The following RORA variants were observed in gnomAD, a reference collection of about 807,000 sequenced individuals.
The protein encoded by RORA is RAR related orphan receptor A.
Under a neutral mutation model 69.5 loss-of-function variants are expected in RORA, and 7 were observed. The observed-to-expected ratio is 0.10, with a 90% confidence interval of 0.06 to 0.19. The LOEUF (loss-of-function observed/expected upper bound fraction) is 0.19. RORA is among the 10% of genes least tolerant of loss of function. The pLI, the probability that RORA is intolerant of heterozygous loss-of-function variation, is 1.00. For synonymous variants in RORA, 261 were observed against 240.8 expected, an observed-to-expected ratio of 1.08 and a Z score of -0.78; for missense variants, 457 against 663.0, an observed-to-expected ratio of 0.69 and a Z score of 3.41.
At chr15:60,865,273 A>G (rs930936231) in intron 1 of RORA, among the ~76,000 whole-genome samples, 4 of 152,162 alleles carry the variant, frequency 2.6e-5, no homozygotes, top group Non-Finnish European at 5.9e-5. Context: ...CTGTTTCCTC[A>G]TCTATCAAAT....
intron 1 of RORA, among the ~76,000 whole-genome samples, chr15:61,087,774 C>T (rs1190410473): frequency 6.6e-6 from 1 of 152,220 alleles, no homozygotes; most frequent in Non-Finnish European, 1.5e-5. Flanking sequence ...GTTTGCAATA[C>T]TGAATCTCTG....
intron 1 of RORA, among the ~76,000 whole-genome samples, chr15:61,225,319 T>C (rs556310171): frequency 6.6e-6 from 1 of 152,264 alleles, no homozygotes; most frequent in Admixed American, 6.5e-5. Context: ...GCCGGGTCCA[T>C]GTGAGGAAAG....
In RORA at chr15:60,525,227, A is replaced by G. The variant is rs2066310671; in HGVS notation, c.282+6539T>C. ...GTAGGAAAGCACTCATTTGTCAGAT[A>G]AATTTTAAAAGCCTGGAAATATGCC... On this transcript the variant is annotated intron_variant, in intron 3 of 10. Transcript: ENST00000335670. 1.3e-5 allele frequency among the ~76,000 whole-genome samples: 2 copies of G among 152,322 alleles called. 1 individual carries two copies. Among genetic ancestry groups the G allele is most frequent in the South Asian group, 4.1e-4 (2 of 4,826 alleles).
intron 1 of RORA, among the ~76,000 whole-genome samples, chr15:60,984,922 T>C (rs139044183): frequency 4.4e-4 from 66 of 151,354 alleles, no homozygotes; most frequent in African/African-American, 1.4e-3. Flanking sequence ...TTCTTCACTA[T>C]AGACAAATGT....
chr15:60,800,221 A>T (rs1434188014), intron 1 of RORA, among the ~76,000 whole-genome samples: 1 of 152,158 alleles, frequency 6.6e-6, no homozygotes, highest in Admixed American at 6.5e-5. Context: ...TTCCCAGCAC[A>T]CTACTGATAC....
At chr15:61,019,417 C>A (rs1028140613) in intron 1 of RORA, among the ~76,000 whole-genome samples, 6 of 152,106 alleles carry the variant, frequency 3.9e-5, no homozygotes, top group African/African-American at 1.4e-4. Context: ...TGTTGTCAGT[C>A]GATGATTATC....
At chr15:60,754,913 A>T (rs1383194249) in intron 1 of RORA, among the ~76,000 whole-genome samples, 1 of 151,668 alleles carries the variant, frequency 6.6e-6, no homozygotes, top group Non-Finnish European at 1.5e-5. Flanking sequence ...GTGTATGCTC[A>T]GTCTGGAATG....
chr15:60,782,527 C>T (rs867754518), intron 1 of RORA, among the ~76,000 whole-genome samples: 2 of 152,264 alleles, frequency 1.3e-5, no homozygotes, highest in Middle Eastern at 3.4e-3. Context: ...AGAATTACAA[C>T]CATCTTTTCA....
chr15:61,050,547 G>A (rs1897244465), intron 1 of RORA, among the ~76,000 whole-genome samples: 1 of 152,156 alleles, frequency 6.6e-6, no homozygotes, highest in Non-Finnish European at 1.5e-5. Flanking sequence ...TTGTGAAAAA[G>A]AGAACTCAAG....
chr15:60,544,445 A>G (rs2067003945), intron 2 of RORA, among the ~76,000 whole-genome samples: 1 of 152,132 alleles, frequency 6.6e-6, no homozygotes, highest in Admixed American at 6.5e-5. Context: ...CACCGTTTTT[A>G]TACACCGAAC....
At chr15:60,973,835 T>C (rs1430424093) in intron 1 of RORA, among the ~76,000 whole-genome samples, 1 of 152,218 alleles carries the variant, frequency 6.6e-6, no homozygotes, top group Non-Finnish European at 1.5e-5. Flanking sequence ...ACATGAATGC[T>C]GCCTCTGGAC....
chr15:61,227,254 T>C (rs1457790293), intron 1 of RORA, among the ~76,000 whole-genome samples: 4 of 150,108 alleles, frequency 2.7e-5, no homozygotes, highest in African/African-American at 9.8e-5. Flanking sequence ...GGGGATTTTC[T>C]CCAGTGTTTC....
At chr15:60,907,758 T>C (rs903934580) in intron 1 of RORA, among the ~76,000 whole-genome samples, 1 of 152,120 alleles carries the variant, frequency 6.6e-6, no homozygotes, top group Non-Finnish European at 1.5e-5. Flanking sequence ...CACGTACAAA[T>C]AGCATTTGCT....
At chr15:60,785,077 G>A (rs993228473) in intron 1 of RORA, among the ~76,000 whole-genome samples, 12 of 152,148 alleles carry the variant, frequency 7.9e-5, no homozygotes, top group South Asian at 2.1e-4. Context: ...AGCAGCATCC[G>A]TTTGCATTTA....
chr15:60,743,414 T>C (rs2071604280), intron 1 of RORA, among the ~76,000 whole-genome samples: 1 of 152,206 alleles, frequency 6.6e-6, no homozygotes, highest in African/African-American at 2.4e-5. Flanking sequence ...TACTTATTAA[T>C]TGGCCCTGTT....
intron 1 of RORA, among the ~76,000 whole-genome samples, chr15:60,884,248 G>C (rs1486614021): frequency 1.3e-5 from 2 of 152,120 alleles, no homozygotes; most frequent in African/African-American, 4.8e-5. Context: ...AAATGGCACA[G>C]ACATGAGAGG....
intron 1 of RORA, among the ~76,000 whole-genome samples, chr15:61,118,319 G>C (rs1057438450): frequency 2.0e-5 from 3 of 152,158 alleles, no homozygotes; most frequent in Non-Finnish European, 4.4e-5. Context: ...GTAAGATAAA[G>C]CCCGGTAAAG....
intron 2 of RORA, among the ~76,000 whole-genome samples, chr15:60,654,915 G>C (rs1030454067): frequency 6.6e-6 from 1 of 152,074 alleles, no homozygotes; most frequent in East Asian, 1.9e-4. Flanking sequence ...AATAAAACTG[G>C]GTTTGTACTT....
chr15:60,982,582 T>C (rs1052645637), intron 1 of RORA, among the ~76,000 whole-genome samples: 1 of 152,136 alleles, frequency 6.6e-6, no homozygotes, highest in South Asian at 2.1e-4. Flanking sequence ...TAGATCAAAT[T>C]AGAATTTTCT....
Sources: allele counts gnomAD v4.1 joint callset (sites outside exome capture counted in the v4.1 genomes callset), GRCh38; gene constraint gnomAD v4.1.1; transcripts MANE v1.5; gene names NCBI Gene and HGNC (gene_info 2026-07-23, HGNC 2026-07-21).